GFRA2: variants seen among roughly 807,000 people sequenced by gnomAD.
GFRA2 encodes the protein GDNF family receptor alpha 2, also known as GDNF family receptor alpha-2.
Under a neutral mutation model 48.3 loss-of-function variants are expected in GFRA2, and 17 were observed. The observed-to-expected ratio is 0.35, with a 90% CI of 0.24 to 0.53. GFRA2 has a LOEUF of 0.53. Ranked by LOEUF, GFRA2 falls within the 20% of genes least tolerant of loss-of-function variation. GFRA2 has a pLI of 0.93. For missense variants in GFRA2, 660 were observed against 637.3 expected (o/e 1.04, Z -0.38); for synonymous variants, 305 against 257.2 (o/e 1.19, Z -1.78).
intron 4 of GFRA2, among the ~76,000 whole-genome samples, chr8:21,724,228 G>A (rs950847407): frequency 6.6e-6 from 1 of 151,978 alleles, no homozygotes; most frequent in African/African-American, 2.4e-5. Context: ...ATGGTCTTGT[G>A]TGGGGGGCCT....
chr8:21,697,421 G>A lies in GFRA2; in HGVS notation c.1219-2904C>T, dbSNP rs530711924. Among the ~76,000 whole-genome samples, 5 of 152,130 alleles carry A rather than the reference G, an allele frequency of 3.3e-5. No homozygotes were observed. The East Asian group carries it at 9.7e-4, about 29-fold the overall frequency. On this transcript the variant is annotated intron_variant, in intron 7 of 8. Transcript: ENST00000524240. ...AGGGGACAGTGAAACACCTCCCTGG[G>A]CCATCCCAAGGGACATCTGCCCCAA...
chr8:21,751,335 C>A (rs572455665), intron 3 of GFRA2, among the ~76,000 whole-genome samples: 2 of 152,332 alleles, frequency 1.3e-5, no homozygotes, highest in African/African-American at 4.8e-5. Context: ...CCCGTGCACC[C>A]ACCAGCAGGA....
rs143169108 is a variant in GFRA2, at chr8:21,715,677, G to C, written c.795-9636C>G. 7.0e-4 allele frequency among the ~76,000 whole-genome samples: 106 copies of C among 152,320 alleles called. 1 individual carries two copies. The East Asian group carries it at 0.019, about 28-fold the overall frequency. ...CCTTTCTCCTGGCCACACTGGCCTA[G>C]AGATAAGGAAATAATGTCAGCTGGG... is the stretch of plus-strand genomic sequence containing the variant. On this transcript the variant is annotated intron_variant, in intron 4 of 8. Transcript: ENST00000524240.
At chr8:21,799,685 C>T (rs1807738755) in intron 2 of GFRA2, among the ~76,000 whole-genome samples, 1 of 152,184 alleles carries the variant, frequency 6.6e-6, no homozygotes, top group Non-Finnish European at 1.5e-5. Context: ...CTGCCCACCA[C>T]CCTCCAGCCT....
upstream of GFRA2, among the ~76,000 whole-genome samples, chr8:21,793,472 C>T (rs1807613956): frequency 6.6e-6 from 1 of 152,092 alleles, no homozygotes; most frequent in African/African-American, 2.4e-5. Flanking sequence ...GACAAAGTGA[C>T]CAGCCTAGCG....
chr8:21,696,466 G>GT (rs1371622314), intron 7 of GFRA2, among the ~76,000 whole-genome samples: 1 of 152,188 alleles, frequency 6.6e-6, no homozygotes, highest in Non-Finnish European at 1.5e-5. Context: ...CAACCGACAA[G>GT]AAGGGCCCCA....
In GFRA2 at chr8:21,782,759, G is replaced by A. The variant is rs1167019919; in HGVS notation, c.181C>T (p.Arg61Trp). Reference protein sequence around the residue: ...SNCSSRYRTLRQCLAGRDRNT... With the variant: ...SNCSSRYRTLWQCLAGRDRNT... Reference sequence around the variant, plus strand: ...CGGTCGCGGCCTGCCAGGCACTGCCGCAGAGTGCGGTAGCGAGAGCTGCAG... The same window carrying A: ...CGGTCGCGGCCTGCCAGGCACTGCCACAGAGTGCGGTAGCGAGAGCTGCAG... Residue 61 changes from arginine (R) to tryptophan (W), a missense_variant, in exon 2 of 9, where the codon CGG becomes TGG. Transcript: ENST00000524240. 4 of 1,594,880 alleles carry A rather than the reference G, an allele frequency of 2.5e-6. No homozygotes were observed. The highest frequency in any genetic ancestry group is 1.7e-5 in the Admixed American group (1 of 57,648).
At chr8:21,697,139 C>CAGAGGAGAGGGGAGGGGAG (rs1802241074) in intron 7 of GFRA2, among the ~76,000 whole-genome samples, 1 of 116,798 alleles carries the variant, frequency 8.6e-6, no homozygotes, top group African/African-American at 3.3e-5. Context: ...GGGGAGGGGA[C>CAGAGGAGAGGGGAGGGGAG]AGAGGGAGAG....
At chr8:21,769,127 CCA>C (rs2117683055) in intron 3 of GFRA2, 1 of 971,656 alleles carries the variant, frequency 1.0e-6, no homozygotes, top group South Asian at 4.8e-5. Context: ...ACCTGTTGCA[CCA>C]CACAGTGAGG....
At chr8:21,732,632 G>C (rs945098811) in intron 4 of GFRA2, among the ~76,000 whole-genome samples, 4 of 152,216 alleles carry the variant, frequency 2.6e-5, no homozygotes. Context: ...TGAGTCCCGT[G>C]AGCCCAGCCC....
upstream of GFRA2, among the ~76,000 whole-genome samples, chr8:21,791,021 C>A (rs1035561132): frequency 8.5e-5 from 13 of 152,250 alleles, no homozygotes; most frequent in East Asian, 2.1e-3. Context: ...CCACCACCAC[C>A]CATTTCGGAA....
chr8:21,760,622 G>A (rs1805859469), intron 3 of GFRA2, among the ~76,000 whole-genome samples: 1 of 152,204 alleles, frequency 6.6e-6, no homozygotes. Flanking sequence ...GTCGAAGCAG[G>A]GATGTTGAAT....
chr8:21,808,334 G>C (rs1046257907), intron 1 of GFRA2, among the ~76,000 whole-genome samples: 1 of 152,106 alleles, frequency 6.6e-6, no homozygotes, highest in Non-Finnish European at 1.5e-5. Flanking sequence ...GAATAGAGAT[G>C]GTGATTTCTT....
chr8:21,730,300 G>A (rs1411375292), intron 4 of GFRA2, among the ~76,000 whole-genome samples: 1 of 152,104 alleles, frequency 6.6e-6, no homozygotes, highest in Non-Finnish European at 1.5e-5. Context: ...CTACTTGGGA[G>A]GCTGAAGCAG....
At chr8:21,744,950 C>T (rs964919679) in intron 4 of GFRA2, among the ~76,000 whole-genome samples, 3 of 152,182 alleles carry the variant, frequency 2.0e-5, no homozygotes, top group African/African-American at 7.2e-5. Context: ...CATCCTCAGC[C>T]ACTGACCCCA....
chr8:21,732,093 G>C (rs1018802294), intron 4 of GFRA2, among the ~76,000 whole-genome samples: 12 of 152,214 alleles, frequency 7.9e-5, no homozygotes, highest in South Asian at 6.2e-4. Flanking sequence ...ACATGCCAGC[G>C]GGCCAAGAGC....
intron 4 of GFRA2, among the ~76,000 whole-genome samples, chr8:21,715,046 A>T (rs1252922202): frequency 6.6e-6 from 1 of 152,098 alleles, no homozygotes; most frequent in African/African-American, 2.4e-5. Context: ...TGACACTGAG[A>T]AAAGGGAAAA....
chr8:21,758,402 G>A (rs1410193333), intron 3 of GFRA2, among the ~76,000 whole-genome samples: 2 of 152,134 alleles, frequency 1.3e-5, no homozygotes, highest in Non-Finnish European at 2.9e-5. Flanking sequence ...AGAAAGGAGA[G>A]GTTCCCCATC....
At chr8:21,804,607 T>G (rs1807827459) in intron 2 of GFRA2, among the ~76,000 whole-genome samples, 1 of 152,144 alleles carries the variant, frequency 6.6e-6, no homozygotes, top group African/African-American at 2.4e-5. Context: ...GGGCCCACCC[T>G]GCCTCTTCTT....
Sources: gnomAD v4.1 joint callset for allele counts (sites outside exome capture counted in the v4.1 genomes callset) on GRCh38, gnomAD v4.1.1 for gene constraint, MANE v1.5 for transcripts, NCBI Gene and HGNC (gene_info 2026-07-23, HGNC 2026-07-21) for gene names.